RAI1: variants seen among roughly 807,000 people sequenced by gnomAD.
The protein encoded by RAI1 is retinoic acid induced 1.
Under a neutral mutation model 123.8 loss-of-function variants are expected in RAI1, and 9 were observed. The ratio of observed to expected loss-of-function variants is 0.07; its 90% CI spans 0.04 to 0.13. The LOEUF is 0.13. Among genes scored for constraint, RAI1 ranks in the 10% least tolerant of loss-of-function variants. RAI1 has a pLI of 1.00. For synonymous variants in RAI1, 1,231 were observed against 1,127.3 expected (o/e 1.09, Z -1.84); for missense variants, 2,256 against 2,545.8 (o/e 0.89, Z 2.45).
rs779398519 is a variant in RAI1, at chr17:17,796,749, C to T, written c.3801C>T (p.Pro1267=). ...DGKEERPEGS[P]TLFKRMSSPK... ...AGGAGGAGAGGCCTGAGGGTTCCCC[C>T]ACCCTCTTCAAGAGGATGTCTTCTC... Residue 1267 remains proline (P), a synonymous_variant, in exon 3 of 6, where the codon CCC becomes CCT. Coordinates refer to ENST00000353383, the MANE Select transcript of RAI1 (RefSeq NM_030665.4). The surrounding 1 kb of genome is among the most constrained non-coding windows in gnomAD (Gnocchi z 5.8). 10 of 1,613,304 alleles carry T rather than the reference C, an allele frequency of 6.2e-6. No individual in the cohort carries two copies. The East Asian group carries it at 2.0e-4, about 32-fold the overall frequency.
At chr17:17,769,643 G>A (rs573910055) in intron 2 of RAI1, among the ~76,000 whole-genome samples, 2 of 152,182 alleles carry the variant, frequency 1.3e-5, no homozygotes, top group East Asian at 1.9e-4. Flanking sequence ...ACCTGTGGCA[G>A]TGAGGATGGG....
intron 1 of RAI1, among the ~76,000 whole-genome samples, chr17:17,694,628 C>T (rs1403606548): frequency 6.6e-6 from 1 of 151,946 alleles, no homozygotes; most frequent in Non-Finnish European, 1.5e-5. Flanking sequence ...CCCCTCCCCG[C>T]CCGCGGCGCC....
At chr17:17,690,840 CAA>C (rs1275396837) in intron 1 of RAI1, among the ~76,000 whole-genome samples, 1 of 152,068 alleles carries the variant, frequency 6.6e-6, no homozygotes, top group African/African-American at 2.4e-5. Context: ...ACTCCTGTAG[CAA>C]AGTCACCCAG....
chr17:17,741,132 C>T (rs1165064792), intron 2 of RAI1, among the ~76,000 whole-genome samples: 3 of 152,114 alleles, frequency 2.0e-5, no homozygotes, highest in South Asian at 2.1e-4. Context: ...CACACACGCA[C>T]GCTCACACTC....
intron 1 of RAI1, among the ~76,000 whole-genome samples, chr17:17,708,463 A>G (rs906054668): frequency 6.6e-6 from 1 of 152,054 alleles, no homozygotes; most frequent in African/African-American, 2.4e-5. Context: ...CCTTAGAGAC[A>G]GAGTCTCACT....
chr17:17,710,566 C>T lies in RAI1; in HGVS notation c.-148-13462C>T, dbSNP rs544253828. 1.1e-4 allele frequency among the ~76,000 whole-genome samples: 17 copies of T among 152,346 alleles called. No individual in the cohort carries two copies. The East Asian group carries it at 3.3e-3, about 29-fold the overall frequency. On this transcript the variant is annotated intron_variant, in intron 1 of 5. Transcript: ENST00000353383. ...TGGGGAAATGGCAGCACAGTGGCCA[C>T]CAAGACTAGGACTCCCTGGGGAGGC...
chr17:17,697,892 T>C (rs1915090212), intron 1 of RAI1, among the ~76,000 whole-genome samples: 1 of 152,220 alleles, frequency 6.6e-6, no homozygotes, highest in African/African-American at 2.4e-5. Context: ...AGTAGCTGTT[T>C]GTGTGCATGT....
intron 2 of RAI1, among the ~76,000 whole-genome samples, chr17:17,751,000 A>G (rs2030143665): frequency 6.6e-6 from 1 of 152,182 alleles, no homozygotes; most frequent in African/African-American, 2.4e-5. Context: ...CGCCTTCCAC[A>G]GAGGAGGAAG....
At chr17:17,744,789 C>CAAAA (rs58984430) in intron 2 of RAI1, among the ~76,000 whole-genome samples, 1,182 of 46,806 alleles carry the variant, frequency 0.025, 60 homozygotes, top group African/African-American at 0.093. Flanking sequence ...GACTCCGTCT[C>CAAAA]AAAAAAAAAA....
At chr17:17,771,676 G>T (rs908650451) in intron 2 of RAI1, among the ~76,000 whole-genome samples, 1 of 152,232 alleles carries the variant, frequency 6.6e-6, no homozygotes, top group Non-Finnish European at 1.5e-5. Context: ...AGGGGCAGGT[G>T]CCCGAGGAGC....
chr17:17,688,743 G>T (rs1280404429), intron 1 of RAI1, among the ~76,000 whole-genome samples: 1 of 151,912 alleles, frequency 6.6e-6, no homozygotes, highest in African/African-American at 2.4e-5. Context: ...GGGACTACAG[G>T]TGTGCGCCAC....
intron 4 of RAI1, among the ~76,000 whole-genome samples, chr17:17,806,049 G>GC (rs1455941817): frequency 6.6e-6 from 1 of 152,236 alleles, no homozygotes; most frequent in Non-Finnish European, 1.5e-5. Context: ...GCACTGCCCA[G>GC]CCCCCCAAGG....
chr17:17,731,187 C>T (rs904077853), intron 2 of RAI1, among the ~76,000 whole-genome samples: 1 of 152,226 alleles, frequency 6.6e-6, no homozygotes, highest in African/African-American at 2.4e-5. Context: ...TGACCCTGCA[C>T]TTGGGGTGCC....
rs2032258135 is a variant in RAI1, at chr17:17,796,561, G to T, written c.3613G>T (p.Val1205Phe). ...KEGRVSQRAR[V>F]PKPGAGSKLS... ...GGGCAGGGTGAGCCAGCGGGCAAGG[G>T]TCCCCAAACCTGGTGCAGGCAGCAA... Residue 1205 changes from valine (V) to phenylalanine (F), a missense_variant, in exon 3 of 6, where the codon GTC (valine) becomes TTC (phenylalanine). Val to Phe is a conservative substitution (Grantham distance 50). Transcript: ENST00000353383. This position sits in a 1 kb window ranked among gnomAD's most constrained non-coding sequence, Gnocchi z 5.8. The T allele has an allele frequency of 1.2e-6, 2 of 1,611,336 alleles. No homozygotes were observed. The highest frequency in any genetic ancestry group is 1.1e-5 in the South Asian group (1 of 91,088).
intron 1 of RAI1, among the ~76,000 whole-genome samples, chr17:17,682,030 G>A (rs939418082): frequency 6.6e-6 from 1 of 151,082 alleles, no homozygotes; most frequent in East Asian, 2.0e-4. Context: ...CCTGCGCCGC[G>A]GCTGAGGGTC....
rs78112160 is a variant in RAI1 at position 17,693,984 on chromosome 17, A to G, written c.-149+12191A>G. Among the ~76,000 whole-genome samples, 27 of 152,326 alleles carry G rather than the reference A, an allele frequency of 1.8e-4. 2 individuals carry two copies. The East Asian group carries it at 5.2e-3, about 29-fold the overall frequency. On this transcript the variant is annotated intron_variant, in intron 1 of 5. Coordinates refer to ENST00000353383, the MANE Select transcript of RAI1 (RefSeq NM_030665.4). ...GCTTGTTTGCCCACCTAATCTGGGC[A>G]GTCATTCACACGTAGGACTCGCTGG... is the stretch of plus-strand genomic sequence containing the variant.
At chr17:17,779,238 CTCCCCGAAGGTCGCTGCT>C (rs1453248293) in intron 2 of RAI1, 2 of 322,412 alleles carry the variant, frequency 6.2e-6, no homozygotes, top group African/African-American at 4.3e-5. Context: ...GTGGCTGGCT[CTCCCCGAAGGTCGCTGCT>C]TCTGGTCAGC....
intron 2 of RAI1, among the ~76,000 whole-genome samples, chr17:17,741,121 G>A (rs973954910): frequency 9.9e-5 from 15 of 151,660 alleles, no homozygotes; most frequent in African/African-American, 1.7e-4. Flanking sequence ...ACTCGCGCAC[G>A]CACACACGCA....
chr17:17,771,614 C>T (rs1295245502), intron 2 of RAI1, among the ~76,000 whole-genome samples: 1 of 152,192 alleles, frequency 6.6e-6, no homozygotes, highest in Non-Finnish European at 1.5e-5. Context: ...GGGCTCCCTG[C>T]TCATGTGTGC....
Sources: gnomAD v4.1 joint callset for allele counts (sites outside exome capture counted in the v4.1 genomes callset) on GRCh38, gnomAD v4.1.1 for gene constraint, Gnocchi (gnomAD v3.1) non-coding constraint, MANE v1.5 for transcripts, NCBI Gene and HGNC (gene_info 2026-07-23, HGNC 2026-07-21) for gene names.